The following PTPRD variants were observed in gnomAD, a reference collection of about 807,000 sequenced individuals.
PTPRD encodes the protein receptor-type tyrosine-protein phosphatase delta.
Under a neutral mutation model 214.5 loss-of-function variants are expected in PTPRD, and 34 were observed. The observed-to-expected ratio is 0.16, with a 90% CI of 0.12 to 0.21. PTPRD has a LOEUF of 0.21. PTPRD is among the 10% of genes least tolerant of loss of function. PTPRD has a pLI of 1.00. For synonymous variants in PTPRD, 1,128 were observed against 845.7 expected (o/e 1.33, Z -5.79); for missense variants, 2,545 against 2,398.7 (o/e 1.06, Z -1.27).
At chr9:10,537,002 T>G (rs1264302735) in intron 2 of PTPRD, among the ~76,000 whole-genome samples, 1 of 152,184 alleles carries the variant, frequency 6.6e-6, no homozygotes, top group African/African-American at 2.4e-5. Flanking sequence ...CTGGGGAATC[T>G]CAAACTATCC....
chr9:9,615,881 C>A (rs1189983957), intron 7 of PTPRD, among the ~76,000 whole-genome samples: 1 of 152,236 alleles, frequency 6.6e-6, no homozygotes, highest in South Asian at 2.1e-4. Flanking sequence ...AAAACAAGTC[C>A]TCTCTCAATA....
At chr9:9,072,279 T>TCACA (rs2099744847) in intron 10 of PTPRD, among the ~76,000 whole-genome samples, 1 of 77,310 alleles carries the variant, frequency 1.3e-5, no homozygotes, top group Non-Finnish European at 2.9e-5. Flanking sequence ...AGCTGGCAAC[T>TCACA]TACACACACA....
At chr9:8,884,994 G>T (rs1207080606) in intron 11 of PTPRD, among the ~76,000 whole-genome samples, 2 of 152,192 alleles carry the variant, frequency 1.3e-5, no homozygotes, top group Admixed American at 6.5e-5. Flanking sequence ...GGAATACAAC[G>T]TAGAAATTTA....
intron 2 of PTPRD, among the ~76,000 whole-genome samples, chr9:10,388,190 A>T (rs548385892): frequency 6.6e-6 from 1 of 151,940 alleles, no homozygotes; most frequent in Admixed American, 6.6e-5. Flanking sequence ...AGATGCTATA[A>T]TATGGGTATT....
intron 3 of PTPRD, among the ~76,000 whole-genome samples, chr9:10,293,095 T>C (rs1174042083): frequency 6.6e-6 from 1 of 151,918 alleles, no homozygotes; most frequent in Admixed American, 6.6e-5. Context: ...AATATTATAA[T>C]TTCAGTAGTA....
chr9:9,948,589 C>G (rs1253310609), intron 4 of PTPRD, among the ~76,000 whole-genome samples: 1 of 152,058 alleles, frequency 6.6e-6, no homozygotes, highest in Non-Finnish European at 1.5e-5. Context: ...GCTTATGTAT[C>G]TGATGACACA....
chr9:8,892,635 G>T (rs2098550672), intron 11 of PTPRD, among the ~76,000 whole-genome samples: 2 of 147,242 alleles, frequency 1.4e-5, no homozygotes, highest in African/African-American at 5.0e-5. Context: ...ATATATGTGT[G>T]TATATATATG....
intron 11 of PTPRD, among the ~76,000 whole-genome samples, chr9:8,929,689 GTGTATATATATA>G (rs1248067427): frequency 1.9e-5 from 2 of 107,876 alleles, no homozygotes; most frequent in African/African-American, 3.0e-5. Flanking sequence ...TTTTATATAT[GTGTATATATATA>G]TGTGTATATA....
rs750715543 is a variant in PTPRD at position 8,762,596 on chromosome 9, G to T, written c.-103-28650C>A. Among the ~76,000 whole-genome samples, 19 of 152,022 alleles carry T rather than the reference G, an allele frequency of 1.2e-4. 1 individual carries two copies. Among genetic ancestry groups the T allele is most frequent in the Non-Finnish European group, 2.2e-4 (15 of 68,014 alleles). On this transcript the variant is annotated intron_variant, in intron 11 of 45. Transcript: ENST00000381196. ...AACCTATCATGTCACCAGATGAACG[G>T]GCTCCTTCAATAGAAAACCTCTTTT...
chr9:8,514,571 A>G (rs1245062166), intron 21 of PTPRD, among the ~76,000 whole-genome samples: 5 of 149,110 alleles, frequency 3.4e-5, no homozygotes, highest in African/African-American at 9.9e-5. Context: ...GTACTTCTGC[A>G]CTGGAATAAT....
chr9:8,481,539 A>C (rs1192927743), intron 30 of PTPRD, among the ~76,000 whole-genome samples: 1 of 151,994 alleles, frequency 6.6e-6, no homozygotes. Context: ...GTTTTTGACC[A>C]CTTTTTGAAT....
At chr9:8,688,671 T>C (rs2097742155) in intron 12 of PTPRD, among the ~76,000 whole-genome samples, 1 of 152,130 alleles carries the variant, frequency 6.6e-6, no homozygotes, top group South Asian at 2.1e-4. Context: ...AAACACGTAT[T>C]CTTCAGGTTT....
intron 9 of PTPRD, among the ~76,000 whole-genome samples, chr9:9,368,435 ACT>A (rs2058488005): frequency 6.6e-6 from 1 of 151,742 alleles, no homozygotes; most frequent in Non-Finnish European, 1.5e-5. Flanking sequence ...CTACTACAAC[ACT>A]CTGAGAGATG....
At chr9:9,006,736 G>T (rs896152199) in intron 11 of PTPRD, among the ~76,000 whole-genome samples, 1 of 151,942 alleles carries the variant, frequency 6.6e-6, no homozygotes, top group African/African-American at 2.4e-5. Context: ...GGCATAGTAA[G>T]AAATCTAAGA....
chr9:8,387,918 A>G, intron 37 of PTPRD, among the ~76,000 whole-genome samples: 1 of 152,218 alleles, frequency 6.6e-6, no homozygotes, highest in African/African-American at 2.4e-5. Context: ...TACCTTAAGT[A>G]CAAATCAGTA....
intron 5 of PTPRD, among the ~76,000 whole-genome samples, chr9:9,921,835 T>A (rs568439649): frequency 6.6e-6 from 1 of 152,036 alleles, no homozygotes; most frequent in East Asian, 1.9e-4. Context: ...ACTGTTCTAA[T>A]TCATTTAGCA....
chr9:10,298,698 A>G (rs2095765338), intron 3 of PTPRD, among the ~76,000 whole-genome samples: 1 of 152,026 alleles, frequency 6.6e-6, no homozygotes, highest in South Asian at 2.1e-4. Context: ...TATATAATAT[A>G]TACACAGGTA....
intron 11 of PTPRD, among the ~76,000 whole-genome samples, chr9:8,977,941 T>G (rs1208271422): frequency 6.6e-6 from 1 of 152,096 alleles, no homozygotes; most frequent in East Asian, 1.9e-4. Flanking sequence ...CAATATTCAA[T>G]TTTAAATTGT....
chr9:10,168,518 A>G lies in PTPRD; in HGVS notation c.-544-134728T>C, dbSNP rs377573267. 7.5e-4 allele frequency among the ~76,000 whole-genome samples: 114 copies of G among 152,316 alleles called. 2 individuals carry two copies. The South Asian group carries it at 0.02, about 27-fold the overall frequency. On this transcript the variant is annotated intron_variant, in intron 3 of 45. Transcript: ENST00000381196. ...CTAACATTTGCCTTTTAAAATCTCT[A>G]TAGAGATCTAACAGAAAATTCACAA...
Sources: gnomAD v4.1 joint callset for allele counts (sites outside exome capture counted in the v4.1 genomes callset) on GRCh38, gnomAD v4.1.1 for gene constraint, MANE v1.5 for transcripts, NCBI Gene and HGNC (gene_info 2026-07-23, HGNC 2026-07-21) for gene names.